Variants in GNE observed in about 807,000 individuals in gnomAD.
GNE encodes the protein glucosamine (UDP-N-acetyl)-2-epimerase/N-acetylmannosamine kinase.
A neutral mutation model predicts 61.8 loss-of-function variants in GNE; 41 were observed. That is an observed-to-expected ratio of 0.66 (90% CI 0.52 to 0.86). GNE has a LOEUF of 0.86. GNE is among the 40% of genes least tolerant of loss of function. The pLI is 0.00. For missense variants in GNE, 608 were observed against 909.1 expected, an observed-to-expected ratio of 0.67 and a Z score of 4.26; for synonymous variants, 264 against 326.4, an observed-to-expected ratio of 0.81 and a Z score of 2.06.
At position 36,236,783 on chromosome 9, in the gene GNE, T is replaced by C. The variant is rs758290486; in HGVS notation, c.769+49A>G. Reference sequence around the variant, plus strand: ...GCAGTTAAAAGAAGTAATAGAAACATAAAATTGGGAAAAGTAGGTGGCATA... The same window carrying C: ...GCAGTTAAAAGAAGTAATAGAAACACAAAATTGGGAAAAGTAGGTGGCATA... On this transcript the variant is annotated intron_variant, in intron 4 of 11. Coordinates refer to ENST00000642385, the MANE Select transcript of GNE (RefSeq NM_005476.7). The C allele has an allele frequency of 5.2e-6, 8 of 1,549,418 alleles. No homozygotes were observed. The East Asian group carries it at 1.6e-4, about 30-fold the overall frequency.
upstream of GNE, among the ~76,000 whole-genome samples, chr9:36,259,905 G>A (rs762789216): frequency 1.8e-4 from 28 of 152,002 alleles, no homozygotes; most frequent in African/African-American, 5.8e-4. Flanking sequence ...TAGGTGATCC[G>A]CCCACTTTGG....
At chr9:36,228,102 A>G (rs1828976309) in intron 6 of GNE, among the ~76,000 whole-genome samples, 3 of 151,696 alleles carry the variant, frequency 2.0e-5, no homozygotes, top group African/African-American at 7.2e-5. Context: ...CAAGATATAC[A>G]TACTTCAGAA....
intron 1 of GNE, among the ~76,000 whole-genome samples, chr9:36,250,186 C>G (rs1392720215): frequency 6.6e-6 from 1 of 152,116 alleles, no homozygotes; most frequent in Non-Finnish European, 1.5e-5. Flanking sequence ...CCCAACATTC[C>G]AGATCATGTC....
intron 9 of GNE, among the ~76,000 whole-genome samples, chr9:36,221,608 T>A (rs2133013630): frequency 6.6e-6 from 1 of 152,268 alleles, no homozygotes; most frequent in East Asian, 1.9e-4. Context: ...GGTAAAAATG[T>A]CAGAATCAAC....
chr9:36,222,291 C>T (rs1383527579), intron 9 of GNE, among the ~76,000 whole-genome samples: 3 of 151,152 alleles, frequency 2.0e-5, no homozygotes, highest in East Asian at 2.0e-4. Flanking sequence ...TAGTGGCGGG[C>T]GCCTGTAGTC....
Position 36,217,430 on chromosome 9 carries a change from C to G in GNE, c.2104G>C (p.Val702Leu), listed in dbSNP as rs747312236. The change falls in exon 12 of 12, where the codon GTT (valine) becomes CTT (leucine). Residue 702 changes from valine (V) to leucine (L), a missense_variant. Val to Leu is a conservative substitution (Grantham distance 32, BLOSUM62 1). Transcript: ENST00000642385. The stretch of plus-strand genomic sequence containing the variant: ...GCAGCACCCAGCAGGGCGGGGTCAA[C>G]CAAATCCGAAACCACCACATCCACG... ...QDVDVVVSDL[V>L]DPALLGAASM... 6.2e-7 allele frequency: 1 copy of G among 1,614,038 alleles called. No individual in the cohort carries two copies. The highest frequency in any genetic ancestry group is 8.5e-7 in the Non-Finnish European group (1 of 1,180,048).
rs770792914 is a variant in GNE at position 36,229,087 on chromosome 9, C to T, written c.1004G>A (p.Arg335Gln). The T allele has an allele frequency of 2.5e-6, 4 of 1,607,322 alleles. No homozygotes were observed. The highest frequency in any genetic ancestry group is 2.2e-5 in the South Asian group (2 of 90,938). Residue 335 changes from arginine (R) to glutamine (Q), a missense_variant, in exon 6 of 12, where the codon CGG becomes CAG. Arg to Gln is a conservative substitution (Grantham distance 43). Transcript: ENST00000642385. ...TATTTTGTCTTGGGTGTCAGCATCC[C>T]GGACATGAAGAACATTCTCCCCTAG... The part of the protein sequence containing the change: ...RETGENVLHV[R>Q]DADTQDKILQ...
chr9:36,220,875 G>A (rs1039353552), intron 9 of GNE, among the ~76,000 whole-genome samples: 1 of 152,224 alleles, frequency 6.6e-6, no homozygotes, highest in Non-Finnish European at 1.5e-5. Flanking sequence ...CTGCTTTTAA[G>A]GGTTGTCTTG....
chr9:36,276,819 A>C, intron 1 of GNE: 1 of 1,104,074 alleles, frequency 9.1e-7, no homozygotes, highest in South Asian at 1.4e-5. Context: ...TCCTCTTTGT[A>C]ATTTTCCTTT....
chr9:36,220,494 A>T (rs1184301059), intron 9 of GNE, among the ~76,000 whole-genome samples: 1 of 152,174 alleles, frequency 6.6e-6, no homozygotes, highest in African/African-American at 2.4e-5. Context: ...AGGAGGTGCT[A>T]GTGGAGTTCA....
chr9:36,276,311 GA>G (rs1317915548), intron 1 of GNE, among the ~76,000 whole-genome samples: 7 of 152,074 alleles, frequency 4.6e-5, no homozygotes. Flanking sequence ...ATGCCTCAAT[GA>G]AAAATTAGGT....
Position 36,227,455 on chromosome 9 carries a change from T to G in GNE, c.1074A>C (p.Ser358=), listed in dbSNP as rs1456943523. 2 of 1,580,698 alleles carry G rather than the reference T, an allele frequency of 1.3e-6. No individual in the cohort carries two copies. The highest frequency in any genetic ancestry group is 2.2e-5 in the East Asian group (1 of 44,702). ...CAGCATTTCCATCCCCATATATCTT[T>G]GAACTGCAATATACAAAAAGTCAAT... ...HLQFGKQYPC[S]KIYGDGNAVP... is the part of the protein sequence containing the mutation. Residue 358 remains serine, a synonymous_variant, in exon 7 of 12, where the codon TCA becomes TCC. Transcript: ENST00000642385.
chr9:36,260,000 G>T (rs1830551607), upstream of GNE, among the ~76,000 whole-genome samples: 2 of 152,130 alleles, frequency 1.3e-5, no homozygotes, highest in African/African-American at 4.8e-5. Flanking sequence ...GCTCTGTGGA[G>T]AATGGATTGG....
chr9:36,223,893 A>G (rs1181519761), intron 7 of GNE, among the ~76,000 whole-genome samples: 1 of 151,878 alleles, frequency 6.6e-6, no homozygotes, highest in Non-Finnish European at 1.5e-5. Flanking sequence ...CTGGGATTAC[A>G]GGTGCCTGCC....
chr9:36,269,404 C>G (rs1830935512), intron 1 of GNE, among the ~76,000 whole-genome samples: 1 of 151,538 alleles, frequency 6.6e-6, no homozygotes, highest in South Asian at 2.1e-4. Context: ...CATACTCCAG[C>G]CTGGCCTTTC....
In GNE at chr9:36,246,465, A is replaced by G. The variant is rs1308966468; in HGVS notation, c.182T>C (p.Ile61Thr). The change falls in exon 3 of 12, where the codon ATT becomes ACT. Residue 61 changes from isoleucine to threonine, a missense_variant. Transcript: ENST00000642385. ...IDDYGNTYRM[I>T]EQDDFDINTR... ...GTTAATGTCAAAGTCATCTTGTTCAATCATTCGATATGTATTTCTAAAGCC... is the reference window on the plus strand; with the variant it reads ...GTTAATGTCAAAGTCATCTTGTTCAGTCATTCGATATGTATTTCTAAAGCC... The G allele has an allele frequency of 1.9e-6, 3 of 1,612,378 alleles. No homozygotes were observed. The highest frequency in any genetic ancestry group is 1.7e-5 in the Admixed American group (1 of 60,010).
intron 1 of GNE, among the ~76,000 whole-genome samples, chr9:36,273,345 T>G (rs767516211): frequency 6.6e-5 from 10 of 151,142 alleles, no homozygotes; most frequent in Non-Finnish European, 1.2e-4. Context: ...GCCTCCCAAA[T>G]AGCTGGGACT....
intron 1 of GNE, 39 bp from the exon 2 acceptor site, chr9:36,249,436 C>A: frequency 7.5e-7 from 1 of 1,332,586 alleles, no homozygotes. Flanking sequence ...ATCAGAATAA[C>A]TCCTAGATAT....
chr9:36,244,121 G>A (rs1177989730), intron 3 of GNE, among the ~76,000 whole-genome samples: 4 of 151,684 alleles, frequency 2.6e-5, no homozygotes, highest in East Asian at 1.9e-4. Flanking sequence ...ACAGCACCAC[G>A]CCCAGCTAAT....
Sources: allele counts gnomAD v4.1 joint callset (sites outside exome capture counted in the v4.1 genomes callset), GRCh38; gene constraint gnomAD v4.1.1; transcripts MANE v1.5; gene names NCBI Gene and HGNC (gene_info 2026-07-23, HGNC 2026-07-21).